Variants in ELAC1 observed in about 807,000 individuals in gnomAD.
ELAC1 encodes the protein zinc phosphodiesterase ELAC protein 1.
Under a neutral mutation model 25.8 loss-of-function variants are expected in ELAC1, and 19 were observed. The ratio of observed to expected loss-of-function variants is 0.74; its 90% CI spans 0.51 to 1.08. ELAC1 has a LOEUF of 1.08. Ranked by LOEUF, ELAC1 falls within the 50% of genes least tolerant of loss-of-function variation. ELAC1 has a pLI of 0.00. For synonymous variants in ELAC1, 148 were observed against 160.9 expected, an observed-to-expected ratio of 0.92 and a Z score of 0.61; for missense variants, 403 against 434.6, an observed-to-expected ratio of 0.93 and a Z score of 0.65.
At chr18:50,984,613 C>T (rs1376611754) in intron 3 of ELAC1, 50 bp downstream of exon 3, 2 of 1,252,964 alleles carry the variant, frequency 1.6e-6, no homozygotes, top group Middle Eastern at 1.9e-4. Flanking sequence ...ATCAATAGGG[C>T]TCCTGTTGAC....
chr18:50,978,842 AGTT>A (rs1285074663), intron 2 of ELAC1, among the ~76,000 whole-genome samples: 2 of 152,212 alleles, frequency 1.3e-5, no homozygotes, highest in African/African-American at 2.4e-5. Context: ...TCAGGAAAAG[AGTT>A]GTTGGAGGAA....
rs1251990947 is a variant in ELAC1, at chr18:50,974,394, C to T, written c.-8-3C>T. 1.3e-6 allele frequency: 2 copies of T among 1,512,330 alleles called. No individual in the cohort carries two copies. The highest frequency in any genetic ancestry group is 1.4e-5 in the African/African-American group (1 of 71,114). 93.7% of individuals were successfully genotyped at this position (1,512,330 alleles called of 1,614,324 possible). A position where few individuals can be genotyped will look rare whatever the true frequency, so the allele number is the denominator to read the frequency against. ...TAATCCCCAGATGATCTTTCTGTTG[C>T]AGGGTGGAAGATGTCTATGGATGTG... On this transcript the variant is annotated splice_polypyrimidine_tract_variant and splice_region_variant and intron_variant, in intron 1 of 3. Coordinates refer to ENST00000269466, the MANE Select transcript of ELAC1 (RefSeq NM_018696.3).
intron 2 of ELAC1, among the ~76,000 whole-genome samples, chr18:50,974,770 A>G (rs565978007): frequency 5.5e-4 from 84 of 152,354 alleles, no homozygotes; most frequent in Non-Finnish European, 1.1e-3. Context: ...TTTATCCTGT[A>G]GATGCTGAAA....
Position 50,986,916 on chromosome 18 carries a change from G to A in ELAC1, c.923G>A (p.Arg308Lys), listed in dbSNP as rs148467981. 6.2e-7 allele frequency: 1 copy of A among 1,613,870 alleles called. No homozygotes were observed. Residue 308 changes from arginine to lysine, a missense_variant, in exon 4 of 4, where the codon AGG becomes AAG. By Grantham distance (26) the Arg-to-Lys change is conservative. Transcript: ENST00000269466. ...ATFAKLCRAK[R>K]LVLTHFSQRY... Reference sequence around the variant, plus strand: ...TTTGCAAAGTTGTGCCGTGCAAAGAGGCTGGTTCTGACTCACTTCAGTCAG... The same window carrying A: ...TTTGCAAAGTTGTGCCGTGCAAAGAAGCTGGTTCTGACTCACTTCAGTCAG...
chr18:50,984,434 C>A lies in ELAC1; in HGVS notation c.496C>A (p.Leu166Ile). ...ILLDSEENSY[L>I]LFDDEQFVVK... ...GTTAGACTCAGAAGAAAACTCATAC[C>A]TTCTGTTTGATGATGAACAATTTGT... Residue 166 changes from leucine (L) to isoleucine (I), a missense_variant, in exon 3 of 4, where the codon CTT becomes ATT. Transcript: ENST00000269466. The A allele has an allele frequency of 1.2e-6, 2 of 1,614,022 alleles. No individual in the cohort carries two copies. The highest frequency in any genetic ancestry group is 1.7e-6 in the Non-Finnish European group (2 of 1,179,910).
chr18:50,980,206 A>C (rs1907907344), intron 2 of ELAC1, among the ~76,000 whole-genome samples: 1 of 152,040 alleles, frequency 6.6e-6, no homozygotes, highest in African/African-American at 2.4e-5. Context: ...TCCCAGTGGG[A>C]GGCTGAGGCA....
chr18:50,974,354 TAC>T, intron 1 of ELAC1, 41 bp from the exon 2 acceptor site: 1 of 1,480,410 alleles, frequency 6.8e-7, no homozygotes, highest in Non-Finnish European at 9.0e-7. Context: ...ATGTTTTTGG[TAC>T]AGTGATATGA....
chr18:50,986,007 A>G (rs1248992774), intron 3 of ELAC1, among the ~76,000 whole-genome samples: 5 of 126,270 alleles, frequency 4.0e-5, no homozygotes, highest in Admixed American at 1.6e-4. Flanking sequence ...GGTGTTGATT[A>G]TATCTTTTTT....
chr18:50,975,232 A>G (rs1054903596), intron 2 of ELAC1, among the ~76,000 whole-genome samples: 2 of 152,094 alleles, frequency 1.3e-5, no homozygotes, highest in African/African-American at 2.4e-5. Flanking sequence ...ATGGGGATAA[A>G]AAGTCTACTT....
intron 3 of ELAC1, among the ~76,000 whole-genome samples, chr18:50,985,865 G>A (rs1908094430): frequency 6.6e-6 from 1 of 152,076 alleles, no homozygotes; most frequent in African/African-American, 2.4e-5. Flanking sequence ...TGATAAATGT[G>A]GAACTGCCCC....
chr18:50,984,008 TA>T, intron 2 of ELAC1, 87 bp from the exon 3 acceptor site: 1 of 770,258 alleles, frequency 1.3e-6, no homozygotes, highest in Non-Finnish European at 2.0e-6. Flanking sequence ...ATTTTTAATG[TA>T]AATTGTTAGG....
At chr18:50,972,291 G>A (rs1907687894) in intron 1 of ELAC1, among the ~76,000 whole-genome samples, 1 of 151,988 alleles carries the variant, frequency 6.6e-6, no homozygotes, top group African/African-American at 2.4e-5. Context: ...ACAATGCAAA[G>A]TGAGCATCTT....
intron 2 of ELAC1, among the ~76,000 whole-genome samples, chr18:50,982,272 C>G (rs139706722): frequency 6.6e-6 from 1 of 152,114 alleles, no homozygotes; most frequent in Non-Finnish European, 1.5e-5. Context: ...AGGAGCATAT[C>G]GAGGAAACTT....
At chr18:50,985,528 G>A (rs745443284) in intron 3 of ELAC1, among the ~76,000 whole-genome samples, 1 of 152,250 alleles carries the variant, frequency 6.6e-6, no homozygotes, top group Non-Finnish European at 1.5e-5. Flanking sequence ...GTGAGGTAGA[G>A]TCCAGGTACA....
chr18:50,985,995 T>C (rs1183190023), intron 3 of ELAC1, among the ~76,000 whole-genome samples: 2 of 150,646 alleles, frequency 1.3e-5, no homozygotes, highest in Admixed American at 1.3e-4. Context: ...TTGTTTTGAC[T>C]AGGTGTTGAT....
At position 50,986,656 on chromosome 18, in the gene ELAC1, T is replaced by C. The variant is rs1908115567; in HGVS notation, c.663T>C (p.Asn221=). ...GTCCTGCCTATGGGAAGCTGAAAAATGGAATTTCTGTTGTTCTGGAAAATG... is the reference window on the plus strand; with the variant it reads ...GTCCTGCCTATGGGAAGCTGAAAAACGGAATTTCTGTTGTTCTGGAAAATG... ...PPGPAYGKLK[N]GISVVLENGV... is the part of the protein sequence containing the mutation. Residue 221 remains asparagine, a synonymous_variant, in exon 4 of 4, where the codon AAT becomes AAC. Coordinates refer to ENST00000269466, the MANE Select transcript of ELAC1 (RefSeq NM_018696.3). 6.2e-7 allele frequency: 1 copy of C among 1,613,298 alleles called. No homozygotes were observed.
intron 3 of ELAC1, chr18:50,984,769 T>C (rs1908055926): frequency 1.7e-6 from 1 of 587,092 alleles, no homozygotes; most frequent in Non-Finnish European, 3.0e-6. Flanking sequence ...CCATCTCTAC[T>C]AAAAATACAA....
chr18:50,977,238 G>A (rs1484809831), intron 2 of ELAC1, among the ~76,000 whole-genome samples: 1 of 152,184 alleles, frequency 6.6e-6, no homozygotes, highest in Non-Finnish European at 1.5e-5. Flanking sequence ...ATGTGTGGGG[G>A]CTCACACCCC....
Position 50,973,385 on chromosome 18 carries a change from T to G in ELAC1, c.-8-1012T>G, listed in dbSNP as rs183938813. On this transcript the variant is annotated intron_variant, in intron 1 of 3. Coordinates refer to ENST00000269466, the MANE Select transcript of ELAC1 (RefSeq NM_018696.3). ...CAGTGATGTCAGATGTACCTAGAAA[T>G]AGTGAAAGGAATAGTGCCAGGAGTT... 4.8e-3 allele frequency among the ~76,000 whole-genome samples: 737 copies of G among 152,286 alleles called. 2 individuals are homozygous for G. The highest frequency in any genetic ancestry group is 8.4e-3 in the Non-Finnish European group (569 of 68,002).
Sources: gnomAD v4.1 joint callset for allele counts (sites outside exome capture counted in the v4.1 genomes callset) on GRCh38, gnomAD v4.1.1 for gene constraint, MANE v1.5 for transcripts, NCBI Gene and HGNC (gene_info 2026-07-23, HGNC 2026-07-21) for gene names.